Variants in TRIM27 observed in about 807,000 individuals in gnomAD.
The protein encoded by TRIM27 is tripartite motif containing 27, also known as zinc finger protein RFP.
A neutral mutation model predicts 57.6 loss-of-function variants in TRIM27; 12 were observed. The observed-to-expected ratio is 0.21, with a 90% CI of 0.13 to 0.34. The LOEUF (loss-of-function observed/expected upper bound fraction) is 0.34. Among genes scored for constraint, TRIM27 ranks in the 10% least tolerant of loss-of-function variants. The pLI is 1.00. For missense variants in TRIM27, 403 were observed against 656.8 expected (o/e 0.61, Z 4.22); for synonymous variants, 266 against 259.0 (o/e 1.03, Z -0.26).
chr6:28,909,637 C>T (rs1773034206), intron 4 of TRIM27, among the ~76,000 whole-genome samples: 1 of 152,168 alleles, frequency 6.6e-6, no homozygotes, highest in African/African-American at 2.4e-5. Context: ...AAAAGGTTTA[C>T]TGAATTACAT....
intron 3 of TRIM27, 108 bp downstream of exon 3, chr6:28,919,904 T>C (rs763167147): frequency 1.6e-5 from 16 of 1,031,682 alleles, no homozygotes; most frequent in Non-Finnish European, 2.1e-5. Context: ...GCTCTTGCTA[T>C]TCCTGCAGAG....
intron 4 of TRIM27, among the ~76,000 whole-genome samples, chr6:28,910,240 A>C (rs1396078298): frequency 6.6e-6 from 1 of 151,442 alleles, no homozygotes; most frequent in African/African-American, 2.4e-5. Flanking sequence ...TACCTTAGGG[A>C]TGGTAGAACA....
intron 3 of TRIM27, among the ~76,000 whole-genome samples, chr6:28,913,717 C>T (rs1486171530): frequency 6.6e-6 from 1 of 151,992 alleles, no homozygotes; most frequent in Non-Finnish European, 1.5e-5. Context: ...TTCACATGTT[C>T]ACAAAGCAAT....
Position 28,904,741 on chromosome 6 carries a change from C to T in TRIM27, c.947-76G>A. On this transcript the variant is annotated intron_variant, in intron 7 of 7. Coordinates refer to ENST00000377199, the MANE Select transcript of TRIM27 (RefSeq NM_006510.5). The surrounding 1 kb of genome is among the most constrained non-coding windows in gnomAD (Gnocchi z 6.1). ...TAGAACACCCAGCGCCTTTCTACTA[C>T]CTCCCCAATAATAAGAGGTTCCCAC... The T allele has an allele frequency of 9.5e-7, 1 of 1,050,872 alleles. No individual in the cohort carries two copies. The highest frequency in any genetic ancestry group is 1.4e-6 in the Non-Finnish European group (1 of 740,316). 65.1% of individuals were successfully genotyped at this position (1,050,872 alleles called of 1,614,324 possible). A position where few individuals can be genotyped will look rare whatever the true frequency, so the allele number is the denominator to read the frequency against.
intron 1 of TRIM27, among the ~76,000 whole-genome samples, chr6:28,922,762 G>T (rs578174479): frequency 6.6e-6 from 1 of 152,146 alleles, no homozygotes; most frequent in African/African-American, 2.4e-5. Context: ...TCTTTTCTGT[G>T]AGTTTCTAGA....
intron 6 of TRIM27, 145 bp downstream of exon 6, chr6:28,908,659 AAATT>A (rs1772955051): frequency 3.0e-6 from 2 of 666,692 alleles, no homozygotes; most frequent in East Asian, 2.8e-5. Flanking sequence ...TTAATTGAGA[AAATT>A]AATTAAGACC....
At position 28,904,202 on chromosome 6, in the gene TRIM27, G is replaced by A. The variant is rs762833728; in HGVS notation, c.1410C>T (p.Val470=). 1.2e-6 allele frequency: 2 copies of A among 1,613,072 alleles called. No individual in the cohort carries two copies. The highest frequency in any genetic ancestry group is 8.5e-7 in the Non-Finnish European group (1 of 1,180,040). Residue 470 remains valine, a synonymous_variant, in exon 8 of 8, where the codon GTC becomes GTT. Coordinates refer to ENST00000377199, the MANE Select transcript of TRIM27 (RefSeq NM_006510.5). The surrounding 1 kb of genome is among the most constrained non-coding windows in gnomAD (Gnocchi z 6.1). ...AGTAACTCAGACTGAAGTAGGGCCG[G>A]ACAGGCCCACAAAAGGTAGCATGAG... is the stretch of plus-strand genomic sequence containing the variant. ...TFSHATFCGP[V]RPYFSLSYSG...
intron 3 of TRIM27, among the ~76,000 whole-genome samples, chr6:28,917,575 C>CT (rs1773703694): frequency 7.1e-6 from 1 of 140,368 alleles, no homozygotes; most frequent in Non-Finnish European, 1.6e-5. Context: ...AAGAGTATGT[C>CT]TTAAAAAAAA....
intron 2 of TRIM27, among the ~76,000 whole-genome samples, chr6:28,921,504 G>C (rs1330564016): frequency 6.6e-6 from 1 of 152,176 alleles, no homozygotes; most frequent in East Asian, 1.9e-4. Context: ...GTTAAGAAAG[G>C]AGAATAAGCC....
At chr6:28,909,121 T>G in intron 4 of TRIM27, 33 bp from the exon 5 acceptor site, 1 of 1,526,138 alleles carries the variant, frequency 6.6e-7, no homozygotes, top group Non-Finnish European at 9.0e-7. Context: ...AATTTTTTTT[T>G]TTTTTGAGAT....
intron 7 of TRIM27, chr6:28,905,319 A>G (rs1222478556): frequency 6.6e-6 from 1 of 152,306 alleles, no homozygotes; most frequent in Non-Finnish European, 1.5e-5. Context: ...GACAGGCAGC[A>G]TTCTATAATG....
chr6:28,922,093 A>G, intron 1 of TRIM27, 106 bp from the exon 2 acceptor site: 1 of 853,972 alleles, frequency 1.2e-6, no homozygotes, highest in East Asian at 2.5e-5. Flanking sequence ...CCAAGTCTCC[A>G]GTTGGCGCTT....
chr6:28,908,524 G>A (rs772382227), intron 6 of TRIM27: 7 of 424,208 alleles, frequency 1.7e-5, no homozygotes, highest in South Asian at 4.8e-5. Flanking sequence ...CATTCTTTCC[G>A]AAGTAAACAA....
At position 28,923,369 on chromosome 6, in the gene TRIM27, C is replaced by T; in HGVS notation, c.264G>A (p.Gly88=). ...CGCACACGCCCATCTCGCCGCCGGG[C>T]CCCGACGGCCGCTCGGTGCGCAGCT... ...VKQLRTERPS[G]PGGEMGVCEK... is the part of the protein sequence containing the mutation. Residue 88 remains glycine, a synonymous_variant, in exon 1 of 8, where the codon GGG becomes GGA. Transcript: ENST00000377199. 6.2e-7 allele frequency: 1 copy of T among 1,611,980 alleles called. No homozygotes were observed. Among genetic ancestry groups the T allele is most frequent in the Admixed American group, 1.7e-5 (1 of 59,984 alleles).
In TRIM27 at chr6:28,912,911, G is replaced by A. The variant is rs1581499531; in HGVS notation, c.748-1193C>T. Among the ~76,000 whole-genome samples the A allele has an allele frequency of 2.0e-5, 3 of 152,128 alleles. No homozygotes were observed. In the East Asian group the frequency reaches 5.8e-4, roughly 29 times the overall value. On this transcript the variant is annotated intron_variant, in intron 3 of 7. Transcript: ENST00000377199. ...ATATCCATCACATCGTTAAATATTTGCCTTTTCTTTATGCAAGAAGCATTG... is the reference window on the plus strand; with the variant it reads ...ATATCCATCACATCGTTAAATATTTACCTTTTCTTTATGCAAGAAGCATTG...
At chr6:28,917,577 T>TA (rs9280510) in intron 3 of TRIM27, among the ~76,000 whole-genome samples, 10,102 of 131,142 alleles carry the variant, frequency 0.077, 443 homozygotes, top group Non-Finnish European at 0.11. Flanking sequence ...GAGTATGTCT[T>TA]AAAAAAAAAA....
At chr6:28,919,865 T>A in intron 3 of TRIM27, 147 bp downstream of exon 3, 2 of 683,212 alleles carry the variant, frequency 2.9e-6, no homozygotes, top group Non-Finnish European at 2.4e-6. Flanking sequence ...ACAGTTTCCT[T>A]CCAAGGTGCA....
intron 3 of TRIM27, among the ~76,000 whole-genome samples, chr6:28,916,203 C>G (rs1326271721): frequency 3.3e-5 from 5 of 152,126 alleles, no homozygotes; most frequent in Non-Finnish European, 7.3e-5. Flanking sequence ...GCGTGAGCCG[C>G]CGCGCCTGGC....
intron 6 of TRIM27, chr6:28,908,071 G>A (rs1581489261): frequency 6.0e-6 from 1 of 167,664 alleles, no homozygotes; most frequent in East Asian, 1.2e-4. Context: ...AGTATTCCTG[G>A]GTGGAATAAT....
Sources: gnomAD v4.1 joint callset for allele counts (sites outside exome capture counted in the v4.1 genomes callset) on GRCh38, gnomAD v4.1.1 for gene constraint, Gnocchi (gnomAD v3.1) non-coding constraint, MANE v1.5 for transcripts, NCBI Gene and HGNC (gene_info 2026-07-23, HGNC 2026-07-21) for gene names.